MARCHF6: variants seen among roughly 807,000 people sequenced by gnomAD.
MARCHF6 encodes the protein membrane associated ring-CH-type finger 6, also known as E3 ubiquitin-protein ligase MARCHF6.
A neutral mutation model predicts 133.7 loss-of-function variants in MARCHF6; 31 were observed. The observed-to-expected ratio is 0.23, with a 90% confidence interval of 0.17 to 0.31. MARCHF6 has a LOEUF of 0.31. MARCHF6 is among the 10% of genes least tolerant of loss of function. The pLI is 1.00. For synonymous variants in MARCHF6, 395 were observed against 402.5 expected, an observed-to-expected ratio of 0.98 and a Z score of 0.22; for missense variants, 723 against 1,121.6, an observed-to-expected ratio of 0.64 and a Z score of 5.08.
chr5:10,402,360 T>G (rs369037154), intron 12 of MARCHF6, 24 bp from the exon 13 acceptor site: 11 of 1,606,766 alleles, frequency 6.8e-6, no homozygotes, highest in South Asian at 2.2e-5. Context: ...AAATACTCAG[T>G]TTTTCCTTGA....
intron 1 of MARCHF6, among the ~76,000 whole-genome samples, chr5:10,359,023 T>C (rs1349004639): frequency 6.6e-6 from 1 of 152,216 alleles, no homozygotes; most frequent in Non-Finnish European, 1.5e-5. Context: ...TCCGTTGCTG[T>C]TGTTGTGAGC....
intron 24 of MARCHF6, among the ~76,000 whole-genome samples, chr5:10,429,032 A>C (rs1430836325): frequency 6.6e-6 from 1 of 152,180 alleles, no homozygotes; most frequent in African/African-American, 2.4e-5. Flanking sequence ...AGAGATTGAG[A>C]ATCTTACCCC....
intron 23 of MARCHF6, among the ~76,000 whole-genome samples, chr5:10,425,602 GT>G (rs1740042625): frequency 6.6e-6 from 1 of 152,218 alleles, no homozygotes; most frequent in African/African-American, 2.4e-5. Context: ...CCTTTAAAAG[GT>G]TAAGCATGTT....
At chr5:10,433,534 A>G in intron 25 of MARCHF6, 60 bp from the exon 26 acceptor site, 1 of 1,268,002 alleles carries the variant, frequency 7.9e-7, no homozygotes, top group Non-Finnish European at 1.2e-6. Flanking sequence ...AAAAAGACAT[A>G]TGAATGTTTT....
At chr5:10,365,160 C>G (rs1736066064) in intron 1 of MARCHF6, among the ~76,000 whole-genome samples, 1 of 152,066 alleles carries the variant, frequency 6.6e-6, no homozygotes. Flanking sequence ...TAACTTAAGC[C>G]TAGTTGGCAA....
chr5:10,426,364 T>A (rs771544289), intron 23 of MARCHF6, 26 bp from the exon 24 acceptor site: 19 of 1,610,864 alleles, frequency 1.2e-5, no homozygotes, highest in Non-Finnish European at 1.6e-5. Flanking sequence ...GTATCTTTGT[T>A]CTAATTGCTT....
At chr5:10,426,369 T>C in intron 23 of MARCHF6, 21 bp from the exon 24 acceptor site, 1 of 1,611,704 alleles carries the variant, frequency 6.2e-7, no homozygotes, top group Non-Finnish European at 8.5e-7. Context: ...TTTGTTCTAA[T>C]TGCTTTTTGT....
At chr5:10,361,462 GTCT>G (rs1290378557) in intron 1 of MARCHF6, among the ~76,000 whole-genome samples, 2 of 152,136 alleles carry the variant, frequency 1.3e-5, no homozygotes, top group South Asian at 2.1e-4. Flanking sequence ...TCTTCATGTA[GTCT>G]TCTCTCTGTA....
At chr5:10,414,342 T>C (rs1739388582) in intron 19 of MARCHF6, 91 bp from the exon 20 acceptor site, 3 of 749,690 alleles carry the variant, frequency 4.0e-6, no homozygotes, top group Non-Finnish European at 4.4e-6. Context: ...ATAGATGATT[T>C]CTTTTTAATG....
chr5:10,416,441 A>G (rs1212518065), intron 21 of MARCHF6, among the ~76,000 whole-genome samples: 1 of 152,246 alleles, frequency 6.6e-6, no homozygotes, highest in Non-Finnish European at 1.5e-5. Flanking sequence ...ATGGAGGGGT[A>G]TAATTGCTAT....
intron 2 of MARCHF6, among the ~76,000 whole-genome samples, chr5:10,378,484 A>G (rs1286514453): frequency 6.6e-6 from 1 of 152,170 alleles, no homozygotes; most frequent in African/African-American, 2.4e-5. Flanking sequence ...TGATGCTTAG[A>G]GATTCTTTCA....
intron 1 of MARCHF6, among the ~76,000 whole-genome samples, chr5:10,359,539 T>G (rs1045470046): frequency 1.3e-5 from 2 of 152,196 alleles, no homozygotes; most frequent in Admixed American, 1.3e-4. Context: ...TTTTGCTCCT[T>G]CTAAGCTACA....
chr5:10,425,471 CGTGT>C (rs563870074), intron 23 of MARCHF6, among the ~76,000 whole-genome samples: 1 of 152,072 alleles, frequency 6.6e-6, no homozygotes, highest in Non-Finnish European at 1.5e-5. Context: ...TGCGTATGTG[CGTGT>C]GTGTCTCTGT....
Position 10,398,554 on chromosome 5 carries a change from A to G in MARCHF6, c.913+1210A>G, listed in dbSNP as rs6894990. Among the ~76,000 whole-genome samples the G allele has an allele frequency of 8.3e-3, 1,257 of 151,088 alleles. 16 individuals carry two copies. Among genetic ancestry groups the G allele is most frequent in the African/African-American group, 0.029 (1,214 of 41,268 alleles). On this transcript the variant is annotated intron_variant, in intron 10 of 25. Coordinates refer to ENST00000274140, the MANE Select transcript of MARCHF6 (RefSeq NM_005885.4). ...TTTCATTATGTAAAATAATTCATAT[A>G]TAGACTGTGAAACTGTTATGATCTT... is the stretch of plus-strand genomic sequence containing the variant.
chr5:10,382,468 CAAAA>C (rs550904656), intron 4 of MARCHF6, among the ~76,000 whole-genome samples: 11 of 74,268 alleles, frequency 1.5e-4, no homozygotes, highest in East Asian at 4.4e-4. Context: ...CTTTGTCTCG[CAAAA>C]AAAAAAAAAA....
Position 10,407,080 on chromosome 5 carries a change from CAT to C in MARCHF6, c.1453-20_1453-19del. The stretch of plus-strand genomic sequence containing the variant: ...GAGTGATTGACTCTTATAGTGGTGT[CAT>C]ACCCTGTTTCCTTCTGCAGATTGTC... On this transcript the variant is annotated intron_variant, in intron 16 of 25. Coordinates refer to ENST00000274140, the MANE Select transcript of MARCHF6 (RefSeq NM_005885.4). 7.2e-7 allele frequency: 1 copy of C among 1,390,254 alleles called. No homozygotes were observed. Among genetic ancestry groups the C allele is most frequent in the Non-Finnish European group, 1.0e-6 (1 of 978,334 alleles). 86.1% of individuals were successfully genotyped at this position (1,390,254 alleles called of 1,614,324 possible).
chr5:10,390,819 G>GTA (rs575017611), intron 6 of MARCHF6, among the ~76,000 whole-genome samples: 39 of 152,266 alleles, frequency 2.6e-4, no homozygotes, highest in African/African-American at 9.1e-4. Flanking sequence ...GAGCATGTAT[G>GTA]TATATATGTA....
Position 10,439,956 on chromosome 5 carries a change from TCCTGA to T in MARCHF6, c.*6273_*6277del, listed in dbSNP as rs1216276232. 6.6e-6 allele frequency: 1 copy of T among 152,282 alleles called. No individual in the cohort carries two copies. Among genetic ancestry groups the T allele is most frequent in the Non-Finnish European group, 1.5e-5 (1 of 68,058 alleles). 9.4% of individuals were successfully genotyped at this position (152,282 alleles called of 1,614,324 possible). On this transcript the variant is annotated 3_prime_UTR_variant, in exon 26 of 26. Transcript: ENST00000274140. Reference sequence around the variant, plus strand: ...AGGCTCTTTAGCCTCTTCATTTCTTTCCTGAAGTGTCATTCTCACTGAGGCTTATC... The same window carrying T: ...AGGCTCTTTAGCCTCTTCATTTCTTTAGTGTCATTCTCACTGAGGCTTATC...
At chr5:10,399,383 G>A (rs991200161) in intron 10 of MARCHF6, among the ~76,000 whole-genome samples, 3 of 151,968 alleles carry the variant, frequency 2.0e-5, no homozygotes, top group Non-Finnish European at 4.4e-5. Context: ...GAAATAGTCA[G>A]AAAGGGTTAG....
Sources: allele counts gnomAD v4.1 joint callset (sites outside exome capture counted in the v4.1 genomes callset), GRCh38; gene constraint gnomAD v4.1.1; transcripts MANE v1.5; gene names NCBI Gene and HGNC (gene_info 2026-07-23, HGNC 2026-07-21).